Variants in TENM4 observed in about 807,000 individuals in gnomAD.
The protein encoded by TENM4 is teneurin transmembrane protein 4, also known as teneurin-4.
TENM4 carries 82 observed loss-of-function variants against 243.3 expected under a neutral mutation model. That is an observed-to-expected ratio of 0.34 (90% CI 0.28 to 0.40). The LOEUF is 0.40. TENM4 is among the 10% of genes least tolerant of loss of function. The pLI, the probability that TENM4 is intolerant of heterozygous loss-of-function variation, is 1.00. For synonymous variants in TENM4, 1,412 were observed against 1,456.3 expected, an observed-to-expected ratio of 0.97 and a Z score of 0.69; for missense variants, 3,138 against 3,673.3, an observed-to-expected ratio of 0.85 and a Z score of 3.77.
chr11:79,129,028 C>A (rs984025954), intron 4 of TENM4, among the ~76,000 whole-genome samples: 2 of 152,168 alleles, frequency 1.3e-5, no homozygotes, highest in Non-Finnish European at 2.9e-5. Flanking sequence ...CTGGGAGATA[C>A]CCCAAATACT....
chr11:78,927,111 T>C (rs1462038377), intron 6 of TENM4, among the ~76,000 whole-genome samples: 1 of 152,238 alleles, frequency 6.6e-6, no homozygotes, highest in Non-Finnish European at 1.5e-5. Flanking sequence ...TTCCTTCACA[T>C]GGATTATTTT....
At chr11:79,287,042 A>G (rs1180531900) in intron 2 of TENM4, among the ~76,000 whole-genome samples, 1 of 152,218 alleles carries the variant, frequency 6.6e-6, no homozygotes, top group Non-Finnish European at 1.5e-5. Context: ...AAAAACTCGT[A>G]GGAGATAGAA....
intron 4 of TENM4, among the ~76,000 whole-genome samples, chr11:79,087,447 G>A (rs1022044443): frequency 8.5e-5 from 13 of 152,248 alleles, no homozygotes; most frequent in African/African-American, 2.9e-4. Flanking sequence ...GCAGAAACAT[G>A]CTGCATGGGA....
At chr11:79,404,365 G>T (rs1858524142) in intron 1 of TENM4, among the ~76,000 whole-genome samples, 1 of 152,152 alleles carries the variant, frequency 6.6e-6, no homozygotes, top group Non-Finnish European at 1.5e-5. Context: ...GAAAACATAA[G>T]GGTTAAATTT....
At chr11:78,899,637 G>A (rs376646209) in intron 7 of TENM4, among the ~76,000 whole-genome samples, 5 of 151,628 alleles carry the variant, frequency 3.3e-5, no homozygotes, top group South Asian at 4.2e-4. Context: ...GAGGCGTTTC[G>A]GTCACGAGGG....
At chr11:78,935,921 A>G (rs1295313677) in intron 6 of TENM4, among the ~76,000 whole-genome samples, 3 of 152,154 alleles carry the variant, frequency 2.0e-5, no homozygotes, top group Non-Finnish European at 4.4e-5. Flanking sequence ...CTGAGCTAGC[A>G]TTTCTTCCCC....
chr11:78,768,759 C>G (rs1221503539), intron 18 of TENM4, among the ~76,000 whole-genome samples: 3 of 152,160 alleles, frequency 2.0e-5, no homozygotes, highest in East Asian at 3.9e-4. Flanking sequence ...CTGAAGGAGG[C>G]TCTATTCCCC....
intron 1 of TENM4, among the ~76,000 whole-genome samples, chr11:79,340,103 A>G (rs994321673): frequency 6.6e-5 from 10 of 152,358 alleles, no homozygotes; most frequent in Middle Eastern, 3.4e-3. Context: ...CTACAAAGGG[A>G]GCTTCGAATG....
At chr11:79,401,659 T>A (rs899592566) in intron 1 of TENM4, among the ~76,000 whole-genome samples, 12 of 152,228 alleles carry the variant, frequency 7.9e-5, no homozygotes, top group Non-Finnish European at 1.5e-4. Context: ...GAGTTCATCA[T>A]GTCTATACAT....
At chr11:78,749,308 C>A (rs1190748389) in intron 19 of TENM4, 6 of 151,032 alleles carry the variant, frequency 4.0e-5, no homozygotes, top group African/African-American at 1.2e-4. Context: ...GAAGCAGGAT[C>A]TTTGCCTTCT....
intron 6 of TENM4, among the ~76,000 whole-genome samples, chr11:78,982,333 A>C (rs1174322124): frequency 6.6e-6 from 1 of 152,174 alleles, no homozygotes; most frequent in Non-Finnish European, 1.5e-5. Flanking sequence ...CATTAGCTCC[A>C]GGTCCACTCG....
At chr11:78,978,999 TG>T (rs1412170772) in intron 6 of TENM4, among the ~76,000 whole-genome samples, 2 of 152,062 alleles carry the variant, frequency 1.3e-5, no homozygotes, top group African/African-American at 4.8e-5. Flanking sequence ...TTGGATTTCA[TG>T]GGATTGGGGA....
At chr11:79,072,851 G>A (rs904848742) in intron 4 of TENM4, among the ~76,000 whole-genome samples, 2 of 152,058 alleles carry the variant, frequency 1.3e-5, no homozygotes, top group Non-Finnish European at 2.9e-5. Context: ...TTATTAATAT[G>A]ACTCACTAAT....
At chr11:79,414,665 CA>C (rs201052245) in intron 1 of TENM4, among the ~76,000 whole-genome samples, 2 of 151,200 alleles carry the variant, frequency 1.3e-5, no homozygotes, top group Non-Finnish European at 1.5e-5. Flanking sequence ...ATGGCAGAAG[CA>C]AAAAAAACAC....
intron 2 of TENM4, among the ~76,000 whole-genome samples, chr11:79,236,948 G>A (rs74467121): frequency 1.4e-3 from 218 of 152,266 alleles, no homozygotes; most frequent in African/African-American, 5.1e-3. Flanking sequence ...CCCAAGGAGT[G>A]AGACAAAGGG....
Position 78,863,074 on chromosome 11 carries a change from C to A in TENM4, c.1143G>T (p.Glu381Asp). The change falls in exon 10 of 34, where the codon GAG becomes GAT. Residue 381 changes from glutamate (E) to aspartate (D), a missense_variant. Physicochemically the swap from Glu to Asp is conservative, Grantham distance 45 (BLOSUM62 2). Around this residue, in one of 2 missense-constraint regions of TENM4, gnomAD observed 671 missense variants for 614.1 expected, o/e 1.09. Coordinates refer to ENST00000278550, the MANE Select transcript of TENM4 (RefSeq NM_001098816.3). Reference protein sequence around the residue: ...HLQPMEGQMYEITEDTASSWP... With the variant: ...HLQPMEGQMYDITEDTASSWP... ...AACTGCTGGCTGTGTCCTCCGTGAT[C>A]TCATACATCTGCCCCTCCATCGGCT... 1.3e-6 allele frequency: 2 copies of A among 1,535,512 alleles called. No individual in the cohort carries two copies. The highest frequency in any genetic ancestry group is 1.8e-6 in the Non-Finnish European group (2 of 1,134,968).
intron 9 of TENM4, among the ~76,000 whole-genome samples, chr11:78,880,005 G>T: frequency 6.6e-6 from 1 of 152,206 alleles, no homozygotes; most frequent in East Asian, 1.9e-4. Context: ...CGGTTTTGTC[G>T]AAAAGCAAAG....
At chr11:78,930,979 G>A (rs1406753470) in intron 6 of TENM4, among the ~76,000 whole-genome samples, 1 of 152,178 alleles carries the variant, frequency 6.6e-6, no homozygotes, top group African/African-American at 2.4e-5. Flanking sequence ...GTGTAGCCAA[G>A]AGGATTGAGA....
chr11:79,269,724 G>A (rs1044418191), intron 2 of TENM4: 1 of 152,220 alleles, frequency 6.6e-6, no homozygotes, highest in African/African-American at 2.4e-5. Flanking sequence ...GCATTTATTT[G>A]TTTTCTCCCA....
Sources: allele counts gnomAD v4.1 joint callset (sites outside exome capture counted in the v4.1 genomes callset), GRCh38; gene constraint gnomAD v4.1.1; regional missense constraint gnomAD v4.1.1; transcripts MANE v1.5; gene names NCBI Gene and HGNC (gene_info 2026-07-23, HGNC 2026-07-21).